Variants in PLAGL1 observed in about 807,000 individuals in gnomAD.
PLAGL1 encodes the protein PLAG1 like zinc finger 1.
PLAGL1 carries 1 observed loss-of-function variant against 4.6 expected under a neutral mutation model. The observed-to-expected ratio is 0.22, with a 90% confidence interval of 0.08 to 1.03. The LOEUF (loss-of-function observed/expected upper bound fraction) is 1.03. Among genes scored for constraint, PLAGL1 ranks in the 50% least tolerant of loss-of-function variants. The pLI, the probability that PLAGL1 is intolerant of heterozygous loss-of-function variation, is 0.58. For missense variants in PLAGL1, 464 were observed against 570.4 expected (o/e 0.81, Z 1.90); for synonymous variants, 240 against 237.8 (o/e 1.01, Z -0.08).
chr6:144,021,182 T>C (rs1376770148), intron 1 of PLAGL1, among the ~76,000 whole-genome samples: 4 of 152,096 alleles, frequency 2.6e-5, no homozygotes, highest in Non-Finnish European at 4.4e-5. Flanking sequence ...GTCAAACCTA[T>C]GCGGTTTGAG....
chr6:144,060,115 A>T (rs558267495), intron 1 of PLAGL1, among the ~76,000 whole-genome samples: 80 of 151,676 alleles, frequency 5.3e-4, no homozygotes, highest in African/African-American at 1.8e-3. Flanking sequence ...TGGTGTGATC[A>T]CAGCTCACTG....
At chr6:144,011,789 C>G (rs1045899426), upstream of PLAGL1, among the ~76,000 whole-genome samples, 4 of 152,186 alleles carry the variant, frequency 2.6e-5, no homozygotes, top group African/African-American at 7.2e-5. This position sits in a 1 kb window ranked among gnomAD's most constrained non-coding sequence, Gnocchi z 4.3. Context: ...CCTTTAAGTC[C>G]TCTGGCAGCT....
At position 144,061,060 on chromosome 6, in the gene PLAGL1, T is replaced by C. The variant is rs541028371; in HGVS notation, c.-151+3408A>G. ...CACTTATAAGCCTCAGAAAGAAAAA[T>C]GTAATTTTCAAAGAAATTTACAATT... On this transcript the variant is annotated intron_variant, in intron 1 of 3. Transcript: ENST00000437412. The surrounding 1 kb of genome is among the most constrained non-coding windows in gnomAD (Gnocchi z 4.4). Among the ~76,000 whole-genome samples the C allele has an allele frequency of 6.6e-6, 1 of 152,264 alleles. No individual in the cohort carries two copies. The highest frequency in any genetic ancestry group is 2.1e-4 in the South Asian group (1 of 4,826).
At chr6:144,033,836 G>A (rs1273747129) in intron 1 of PLAGL1, among the ~76,000 whole-genome samples, 1 of 152,162 alleles carries the variant, frequency 6.6e-6, no homozygotes, top group Non-Finnish European at 1.5e-5. Flanking sequence ...CAAAAAAGCA[G>A]GAAGATATGA....
chr6:143,954,360 G>C lies in PLAGL1; in HGVS notation c.-324-5900C>G, dbSNP rs1781680384. Among the ~76,000 whole-genome samples the C allele has an allele frequency of 6.6e-6, 1 of 152,076 alleles. No individual in the cohort carries two copies. Among genetic ancestry groups the C allele is most frequent in the Non-Finnish European group, 1.5e-5 (1 of 68,022 alleles). On this transcript the variant is annotated intron_variant, in intron 6 of 7. Coordinates refer to ENST00000674357, the MANE Select transcript of PLAGL1 (RefSeq NM_001317162.2). This position sits in a 1 kb window ranked among gnomAD's most constrained non-coding sequence, Gnocchi z 5.1. The stretch of plus-strand genomic sequence containing the variant: ...TCATTAATATCCTAGAGAGAACAGA[G>C]GTCCTTAAAAGAAGAGCAGGATATT...
chr6:144,063,713 G>A lies in PLAGL1; in HGVS notation c.-151+755C>T, dbSNP rs57325163. 8.5e-3 allele frequency among the ~76,000 whole-genome samples: 1,293 copies of A among 152,218 alleles called. 70 individuals carry two copies. In the East Asian group the frequency reaches 0.14, roughly 17 times the overall value. Reference sequence around the variant, plus strand: ...CCCATGAACACTCGGGAAGCCCCAGGGGTATCTCTGTCCTCGACACAGCAG... The same window carrying A: ...CCCATGAACACTCGGGAAGCCCCAGAGGTATCTCTGTCCTCGACACAGCAG... On this transcript the variant is annotated intron_variant, in intron 1 of 3. Transcript: ENST00000437412. The surrounding 1 kb of genome is among the most constrained non-coding windows in gnomAD (Gnocchi z 5.7).
At chr6:143,986,931 G>A (rs1789306156) in intron 1 of PLAGL1, among the ~76,000 whole-genome samples, 1 of 152,132 alleles carries the variant, frequency 6.6e-6, no homozygotes, top group Non-Finnish European at 1.5e-5. Flanking sequence ...GCATGGTTTG[G>A]TGTGCGTATA....
rs1007311977 is a variant in PLAGL1 at position 143,952,931 on chromosome 6, A to G, written c.-324-4471T>C. 3.9e-5 allele frequency among the ~76,000 whole-genome samples: 6 copies of G among 152,234 alleles called. No individual in the cohort carries two copies. The highest frequency in any genetic ancestry group is 8.8e-5 in the Non-Finnish European group (6 of 68,046). ...AAAGCTATTTAGAAATGTCATCAGG[A>G]GAAAGATGATATCCAGAACCTCCAG... is the stretch of plus-strand genomic sequence containing the variant. On this transcript the variant is annotated intron_variant, in intron 6 of 7. Transcript: ENST00000674357. The surrounding 1 kb of genome is among the most constrained non-coding windows in gnomAD (Gnocchi z 6.1).
intron 1 of PLAGL1, among the ~76,000 whole-genome samples, chr6:144,038,985 AG>A (rs1185065956): frequency 6.6e-6 from 1 of 152,232 alleles, no homozygotes; most frequent in African/African-American, 2.4e-5. Context: ...CAAAAAGAAA[AG>A]AAAACCATGC....
intron 1 of PLAGL1, among the ~76,000 whole-genome samples, chr6:144,032,284 CTTTTT>C (rs11288479): frequency 8.8e-6 from 1 of 113,430 alleles, no homozygotes. Context: ...CCACACCTGG[CTTTTT>C]TTTTTTTTTT....
At chr6:144,021,335 T>A (rs1475288733) in intron 1 of PLAGL1, among the ~76,000 whole-genome samples, 1 of 152,234 alleles carries the variant, frequency 6.6e-6, no homozygotes, top group African/African-American at 2.4e-5. Flanking sequence ...TGTATTTTTG[T>A]GTTATTGGGC....
chr6:144,062,383 A>C (rs983291453), intron 1 of PLAGL1, among the ~76,000 whole-genome samples: 2 of 150,918 alleles, frequency 1.3e-5, no homozygotes, highest in South Asian at 2.1e-4. Context: ...TCTCAAACAA[A>C]AAAAAAAAAA....
rs558986954 is a variant in PLAGL1, at chr6:144,026,694, A to T, written c.-151+37774T>A. Among the ~76,000 whole-genome samples, 7 of 152,318 alleles carry T rather than the reference A, an allele frequency of 4.6e-5. No individual in the cohort carries two copies. In the East Asian group the frequency reaches 1.3e-3, roughly 29 times the overall value. On this transcript the variant is annotated intron_variant, in intron 1 of 3. Coordinates refer to the PLAGL1 transcript ENST00000437412. ...TTGCTTATTGTTTCAAGTTAGAATA[A>T]ATATGTATTTTCAATCTCTAGATTA...
chr6:143,945,291 C>A lies in PLAGL1; in HGVS notation c.153-2628G>T, dbSNP rs1204469578. On this transcript the variant is annotated intron_variant, in intron 7 of 7. Coordinates refer to ENST00000674357, the MANE Select transcript of PLAGL1 (RefSeq NM_001317162.2). This position sits in a 1 kb window ranked among gnomAD's most constrained non-coding sequence, Gnocchi z 4.2. Reference sequence around the variant, plus strand: ...CAATGCCACCATCTTTGGGTATCATCTGGATCATGTCAGTGATTTTAGAAT... The same window carrying A: ...CAATGCCACCATCTTTGGGTATCATATGGATCATGTCAGTGATTTTAGAAT... Among the ~76,000 whole-genome samples the A allele has an allele frequency of 6.6e-6, 1 of 152,194 alleles. No homozygotes were observed. The highest frequency in any genetic ancestry group is 2.4e-5 in the African/African-American group (1 of 41,434).
At chr6:143,977,090 C>G (rs77314802) in intron 2 of PLAGL1, among the ~76,000 whole-genome samples, 3 of 148,224 alleles carry the variant, frequency 2.0e-5, no homozygotes, top group South Asian at 2.3e-4. Flanking sequence ...CCTTCCCCCC[C>G]CCCAACACAC....
rs1796050445 is a variant in PLAGL1 at position 144,022,630 on chromosome 6, C to T, written c.-151+41838G>A. 6.6e-6 allele frequency among the ~76,000 whole-genome samples: 1 copy of T among 152,174 alleles called. No individual in the cohort carries two copies. The highest frequency in any genetic ancestry group is 1.5e-5 in the Non-Finnish European group (1 of 68,036). ...ACAGGTCTTTCCCATGCTGTTCTCA[C>T]AATAGTGAATAAGTTTCACCAGATC... On this transcript the variant is annotated intron_variant, in intron 1 of 3. Transcript: ENST00000437412. This position sits in a 1 kb window ranked among gnomAD's most constrained non-coding sequence, Gnocchi z 4.2.
At chr6:144,029,083 C>T (rs542176698) in intron 1 of PLAGL1, among the ~76,000 whole-genome samples, 10 of 152,050 alleles carry the variant, frequency 6.6e-5, no homozygotes, top group African/African-American at 1.2e-4. Flanking sequence ...ATTATTTATA[C>T]GAGTTGCATA....
chr6:143,975,192 G>C lies in PLAGL1; in HGVS notation c.-543-6214C>G, dbSNP rs1002997830. 5.9e-5 allele frequency among the ~76,000 whole-genome samples: 9 copies of C among 152,072 alleles called. No homozygotes were observed. The highest frequency in any genetic ancestry group is 5.9e-4 in the Admixed American group (9 of 15,262). ...CCATTACACCAGCTACCATGTACTG[G>C]GGATATAATCATTCACTGGAGTTCT... On this transcript the variant is annotated intron_variant, in intron 2 of 7. Transcript: ENST00000674357. The surrounding 1 kb of genome is among the most constrained non-coding windows in gnomAD (Gnocchi z 5.8).
intron 2 of PLAGL1, among the ~76,000 whole-genome samples, chr6:143,974,395 T>TG (rs1464161605): frequency 2.9e-5 from 4 of 138,748 alleles, no homozygotes; most frequent in Non-Finnish European, 6.4e-5. Flanking sequence ...GTGGTGGGGT[T>TG]GCGGGGGAGG....
Sources: allele counts gnomAD v4.1 joint callset (sites outside exome capture counted in the v4.1 genomes callset), GRCh38; gene constraint gnomAD v4.1.1; non-coding constraint Gnocchi (gnomAD v3.1); transcripts MANE v1.5; gene names NCBI Gene and HGNC (gene_info 2026-07-23, HGNC 2026-07-21).